Variants in MBD5 observed in about 807,000 individuals in gnomAD.
MBD5 encodes the protein methyl-CpG binding domain protein 5.
MBD5 carries 13 observed loss-of-function variants against 117.3 expected under a neutral mutation model. The observed-to-expected ratio is 0.11, with a 90% CI of 0.07 to 0.18. MBD5 has a LOEUF of 0.18. Ranked by LOEUF, MBD5 falls within the 10% of genes least tolerant of loss-of-function variation. MBD5 has a pLI of 1.00. For synonymous variants in MBD5, 727 were observed against 766.4 expected (o/e 0.95, Z 0.85); for missense variants, 1,879 against 2,093.8 (o/e 0.90, Z 2.00).
chr2:148,330,033 A>ACCCCCCC (rs56712549), intron 3 of MBD5, among the ~76,000 whole-genome samples: 10 of 17,682 alleles, frequency 5.7e-4, no homozygotes, highest in Admixed American at 1.1e-3. Context: ...GTAGGTAAGA[A>ACCCCCCC]CCCCCCCCCG....
chr2:148,157,142 T>A (rs1047168992), intron 1 of MBD5, among the ~76,000 whole-genome samples: 1 of 152,178 alleles, frequency 6.6e-6, no homozygotes, highest in Non-Finnish European at 1.5e-5. Flanking sequence ...TATTTCTTTT[T>A]TTATTATTAT....
chr2:148,397,496 A>AT (rs916528818), intron 4 of MBD5, among the ~76,000 whole-genome samples: 5 of 151,570 alleles, frequency 3.3e-5, no homozygotes, highest in South Asian at 2.1e-4. Context: ...CGCCCGGCTA[A>AT]TTTTTTTATT....
chr2:148,333,049 C>T (rs1318780723), intron 3 of MBD5, among the ~76,000 whole-genome samples: 6 of 152,054 alleles, frequency 3.9e-5, no homozygotes, highest in African/African-American at 1.4e-4. Flanking sequence ...CTCAGCAGTA[C>T]TTTCTTGTTC....
intron 3 of MBD5, among the ~76,000 whole-genome samples, chr2:148,306,268 C>G (rs541894013): frequency 3.3e-5 from 5 of 152,220 alleles, no homozygotes; most frequent in African/African-American, 9.6e-5. Context: ...CCCTGTAAGC[C>G]AGGTACCAGG....
chr2:148,100,725 C>T (rs990785580), intron 1 of MBD5, among the ~76,000 whole-genome samples: 4 of 152,186 alleles, frequency 2.6e-5, no homozygotes, highest in Admixed American at 6.5e-5. Context: ...ATCCCAAGAA[C>T]AAATATGTCA....
At position 148,483,490 on chromosome 2, in the gene MBD5, G is replaced by C; in HGVS notation, c.2899G>C (p.Ala967Pro). ...AGGTTTTCTCAACCCGAATGTAAAC[G>C]CTGCTTTAGCTTTTCTCTCCAGTGA... ...PLGFLNPNVNAALAFLSSDMD... is the reference protein window; with the variant it reads ...PLGFLNPNVNPALAFLSSDMD... The change falls in exon 9 of 14, where the codon GCT becomes CCT. Residue 967 changes from alanine to proline, a missense_variant. Transcript: ENST00000642680. 1 of 1,613,504 alleles carries C rather than the reference G, an allele frequency of 6.2e-7. No individual in the cohort carries two copies. The highest frequency in any genetic ancestry group is 1.3e-5 in the African/African-American group (1 of 74,972).
At chr2:148,363,996 C>A (rs982406521) in intron 4 of MBD5, among the ~76,000 whole-genome samples, 2 of 152,094 alleles carry the variant, frequency 1.3e-5, no homozygotes, top group Non-Finnish European at 2.9e-5. Context: ...ATACAGAGAA[C>A]GCCACAAAGA....
chr2:148,342,757 A>C (rs1702980570), intron 4 of MBD5, among the ~76,000 whole-genome samples: 1 of 151,934 alleles, frequency 6.6e-6, no homozygotes. Context: ...CTTTTTAAAA[A>C]AAATTTATTT....
chr2:148,288,368 C>A (rs1197329945), intron 3 of MBD5, among the ~76,000 whole-genome samples: 1 of 95,822 alleles, frequency 1.0e-5, no homozygotes, highest in Admixed American at 1.1e-4. Flanking sequence ...CCACTGCACT[C>A]CAGCCTGGGC....
At chr2:148,223,353 A>C (rs746367886) in intron 2 of MBD5, among the ~76,000 whole-genome samples, 9 of 152,104 alleles carry the variant, frequency 5.9e-5, no homozygotes, top group Non-Finnish European at 1.3e-4. Context: ...CATTTTTTAA[A>C]TATTTGGTAG....
At chr2:148,026,424 A>C (rs930823851) in intron 1 of MBD5, 1 of 152,210 alleles carries the variant, frequency 6.6e-6, no homozygotes, top group Non-Finnish European at 1.5e-5. Context: ...AGACCATTGT[A>C]CAATTTAAAA....
chr2:148,347,057 G>C (rs1244515062), intron 4 of MBD5: 1 of 151,888 alleles, frequency 6.6e-6, no homozygotes, highest in Non-Finnish European at 1.5e-5. Flanking sequence ...GATTTTCTCT[G>C]TTACTATTTC....
intron 1 of MBD5, among the ~76,000 whole-genome samples, chr2:148,033,149 A>ACATTCAT (rs1325016044): frequency 2.0e-5 from 3 of 152,196 alleles, no homozygotes; most frequent in Non-Finnish European, 4.4e-5. Context: ...TAGAAGTATC[A>ACATTCAT]CATTCATAAT....
intron 1 of MBD5, among the ~76,000 whole-genome samples, chr2:148,172,649 G>A (rs1698289511): frequency 6.6e-6 from 1 of 152,160 alleles, no homozygotes; most frequent in African/African-American, 2.4e-5. Context: ...TGAAGCGTGG[G>A]TGCTAGGCTG....
intron 4 of MBD5, among the ~76,000 whole-genome samples, chr2:148,415,094 T>C (rs576598318): frequency 1.3e-5 from 2 of 152,314 alleles, no homozygotes; most frequent in Admixed American, 1.3e-4. Context: ...GTTTTTGTGA[T>C]AGCCAGTAAC....
chr2:148,372,547 A>G (rs1290649597), intron 4 of MBD5, among the ~76,000 whole-genome samples: 1 of 152,076 alleles, frequency 6.6e-6, no homozygotes, highest in African/African-American at 2.4e-5. Context: ...TATGTAAAGG[A>G]CAGTAACCTC....
chr2:148,271,782 T>C (rs569810606), intron 3 of MBD5, among the ~76,000 whole-genome samples: 34 of 152,310 alleles, frequency 2.2e-4, no homozygotes, highest in African/African-American at 7.9e-4. Flanking sequence ...TTACCATTTT[T>C]TGTGATGAGA....
chr2:148,345,580 T>C (rs1311112570), intron 4 of MBD5, among the ~76,000 whole-genome samples: 1 of 75,486 alleles, frequency 1.3e-5, no homozygotes, highest in Admixed American at 1.2e-4. Context: ...TACACATACA[T>C]ATGTATATAC....
chr2:148,102,409 T>G (rs765143774), intron 1 of MBD5, among the ~76,000 whole-genome samples: 3 of 152,136 alleles, frequency 2.0e-5, no homozygotes, highest in Non-Finnish European at 4.4e-5. Flanking sequence ...GGAGTGTGTG[T>G]TATTCTCTAT....
Sources: gnomAD v4.1 joint callset for allele counts (sites outside exome capture counted in the v4.1 genomes callset) on GRCh38, gnomAD v4.1.1 for gene constraint, MANE v1.5 for transcripts, NCBI Gene and HGNC (gene_info 2026-07-23, HGNC 2026-07-21) for gene names.